Variants in RGS18 observed in about 807,000 individuals in gnomAD.
RGS18 encodes the protein regulator of G-protein signaling 18.
Under a neutral mutation model 27.6 loss-of-function variants are expected in RGS18, and 22 were observed. The ratio of observed to expected loss-of-function variants is 0.80; its 90% CI spans 0.57 to 1.14. The LOEUF is 1.14. Among genes scored for constraint, RGS18 ranks in the 50% most tolerant of loss-of-function variants. The probability of loss-of-function intolerance (pLI) is 0.00; values close to 1 mark genes in which losing one functional copy is unlikely to be tolerated. For synonymous variants in RGS18, 89 were observed against 84.6 expected, an observed-to-expected ratio of 1.05 and a Z score of -0.29; for missense variants, 299 against 269.6, an observed-to-expected ratio of 1.11 and a Z score of -0.76.
At chr1:192,161,982 C>A (rs546592288) in intron 3 of RGS18, among the ~76,000 whole-genome samples, 2 of 152,192 alleles carry the variant, frequency 1.3e-5, no homozygotes, top group African/African-American at 4.8e-5. Context: ...TGAAAACTTT[C>A]CCTCTGCCAA....
At chr1:192,169,648 CT>C (rs1365024598) in intron 3 of RGS18, 6 of 151,988 alleles carry the variant, frequency 3.9e-5, no homozygotes, top group Non-Finnish European at 8.8e-5. Context: ...TTTTTGTTTT[CT>C]TTTTAATTAG....
At chr1:192,175,947 C>T (rs1484784662) in intron 3 of RGS18, among the ~76,000 whole-genome samples, 1 of 151,748 alleles carries the variant, frequency 6.6e-6, no homozygotes, top group Non-Finnish European at 1.5e-5. Context: ...GAGCTTCCCC[C>T]TCAACACTCA....
At chr1:192,165,692 T>C (rs1656152797) in intron 3 of RGS18, among the ~76,000 whole-genome samples, 1 of 152,240 alleles carries the variant, frequency 6.6e-6, no homozygotes, top group Non-Finnish European at 1.5e-5. Flanking sequence ...AAAATATTTC[T>C]GTAAATCTAA....
At chr1:192,173,112 T>C (rs1045014735) in intron 3 of RGS18, among the ~76,000 whole-genome samples, 7 of 151,726 alleles carry the variant, frequency 4.6e-5, no homozygotes, top group Admixed American at 1.3e-4. Flanking sequence ...TTTATTATTC[T>C]TGTTTCATTT....
intron 3 of RGS18, among the ~76,000 whole-genome samples, chr1:192,165,381 G>T (rs1656146609): frequency 6.6e-6 from 1 of 152,152 alleles, no homozygotes; most frequent in East Asian, 1.9e-4. Flanking sequence ...CTGGCCTTGT[G>T]ACCTTGTCCT....
chr1:192,174,527 T>C (rs1656323541), intron 3 of RGS18, among the ~76,000 whole-genome samples: 1 of 151,904 alleles, frequency 6.6e-6, no homozygotes, highest in African/African-American at 2.4e-5. Context: ...TTAGAATCTA[T>C]ACCTAAATTG....
intron 3 of RGS18, among the ~76,000 whole-genome samples, chr1:192,180,954 C>G (rs1656442440): frequency 6.6e-6 from 1 of 151,616 alleles, no homozygotes; most frequent in Non-Finnish European, 1.5e-5. Context: ...CTTCTTGACT[C>G]TGTGGAATCA....
chr1:192,173,199 AT>A (rs1485260211), intron 3 of RGS18, among the ~76,000 whole-genome samples: 1 of 151,942 alleles, frequency 6.6e-6, no homozygotes, highest in Non-Finnish European at 1.5e-5. Context: ...ATTTAAAAAA[AT>A]GTGGTAATCT....
At chr1:192,166,814 A>G (rs1656171025) in intron 3 of RGS18, among the ~76,000 whole-genome samples, 1 of 152,162 alleles carries the variant, frequency 6.6e-6, no homozygotes, top group Non-Finnish European at 1.5e-5. Flanking sequence ...TCCATGGTAA[A>G]CCTTATCAAA....
chr1:192,161,814 A>C (rs1244350468), intron 3 of RGS18, among the ~76,000 whole-genome samples: 1 of 152,204 alleles, frequency 6.6e-6, no homozygotes, highest in Non-Finnish European at 1.5e-5. Flanking sequence ...CTCAAATACT[A>C]TGCTCCATTT....
At chr1:192,172,884 A>AAT (rs1553229386) in intron 3 of RGS18, among the ~76,000 whole-genome samples, 36 of 97,506 alleles carry the variant, frequency 3.7e-4, no homozygotes, top group East Asian at 5.5e-4. Context: ...TATATATATA[A>AAT]ATATATATAT....
At chr1:192,181,104 T>G (rs533341042) in intron 3 of RGS18, among the ~76,000 whole-genome samples, 188 bp from the exon 4 acceptor site, 2 of 151,618 alleles carry the variant, frequency 1.3e-5, no homozygotes, top group African/African-American at 4.8e-5. Flanking sequence ...AATAATACTT[T>G]CCTTTTATAG....
intron 3 of RGS18, among the ~76,000 whole-genome samples, chr1:192,175,480 T>C (rs1229487510): frequency 6.6e-6 from 1 of 151,868 alleles, no homozygotes; most frequent in Non-Finnish European, 1.5e-5. Flanking sequence ...TTAAGGCTGG[T>C]ATATCTCAGA....
chr1:192,181,172 C>G, intron 3 of RGS18, 120 bp from the exon 4 acceptor site: 2 of 549,616 alleles, frequency 3.6e-6, no homozygotes, highest in Non-Finnish European at 6.3e-6. Flanking sequence ...TGCTGCGGTG[C>G]TGCATTAGAG....
At chr1:192,161,147 G>A (rs1413931920) in intron 3 of RGS18, among the ~76,000 whole-genome samples, 3 of 152,132 alleles carry the variant, frequency 2.0e-5, no homozygotes, top group East Asian at 3.8e-4. Flanking sequence ...ACTGCGCCCC[G>A]CTCCATAAAC....
At chr1:192,172,958 A>C (rs114142157) in intron 3 of RGS18, among the ~76,000 whole-genome samples, 1,650 of 149,782 alleles carry the variant, frequency 0.011, 24 homozygotes, top group African/African-American at 0.038. Context: ...CTCATCTAAG[A>C]AAATGAATAT....
At position 192,172,882 on chromosome 1, in the gene RGS18, T is replaced by TAA. The variant is rs1553229383; in HGVS notation, c.284-8408_284-8407dup. Among the ~76,000 whole-genome samples, 255 of 104,890 alleles carry TAA rather than the reference T, an allele frequency of 2.4e-3. 3 individuals are homozygous for TAA. The Middle Eastern group carries it at 0.044, about 18-fold the overall frequency. 68.8% of individuals were successfully genotyped at this position (104,890 alleles called of 152,430 possible). ...AAATATGCATATATATATATATATA[T>TAA]AAATATATATATATACACATATGTA... is the stretch of plus-strand genomic sequence containing the variant. On this transcript the variant is annotated intron_variant, in intron 3 of 4. Coordinates refer to ENST00000367460, the MANE Select transcript of RGS18 (RefSeq NM_130782.3).
At chr1:192,172,886 T>TATATATATATATATAA (rs1164920622) in intron 3 of RGS18, among the ~76,000 whole-genome samples, 1 of 144,108 alleles carries the variant, frequency 6.9e-6, no homozygotes, top group African/African-American at 2.6e-5. Context: ...TATATATAAA[T>TATATATATATATATAA]ATATATATAT....
chr1:192,178,926 A>G (rs1319648258), intron 3 of RGS18, among the ~76,000 whole-genome samples: 1 of 151,626 alleles, frequency 6.6e-6, no homozygotes, highest in Non-Finnish European at 1.5e-5. Context: ...CATAAAGTAC[A>G]GTTGAAGTTC....
Sources: allele counts gnomAD v4.1 joint callset (sites outside exome capture counted in the v4.1 genomes callset), GRCh38; gene constraint gnomAD v4.1.1; transcripts MANE v1.5; gene names NCBI Gene and HGNC (gene_info 2026-07-23, HGNC 2026-07-21).